The following MAGI2 variants were observed in gnomAD, a reference collection of about 807,000 sequenced individuals.
MAGI2 encodes membrane associated guanylate kinase, WW and PDZ domain containing 2, also known as membrane-associated guanylate kinase, WW and PDZ domain-containing protein 2.
In MAGI2, 35 loss-of-function variants were observed where a neutral mutation model predicts 133.3. That is an observed-to-expected ratio of 0.26 (90% confidence interval 0.20 to 0.35). The LOEUF is 0.35. MAGI2 is among the 10% of genes least tolerant of loss of function. MAGI2 has a pLI of 1.00. For missense variants in MAGI2, 1,636 were observed against 1,863.4 expected (o/e 0.88, Z 2.25); for synonymous variants, 729 against 710.6 (o/e 1.03, Z -0.41).
chr7:78,402,370 C>T (rs1294749905), intron 6 of MAGI2, among the ~76,000 whole-genome samples: 1 of 143,810 alleles, frequency 7.0e-6, no homozygotes, highest in Non-Finnish European at 1.5e-5. Flanking sequence ...TGTGTGTATC[C>T]ACCTGGGGTG....
At chr7:78,534,947 A>T (rs1159780933) in intron 3 of MAGI2, among the ~76,000 whole-genome samples, 1 of 152,174 alleles carries the variant, frequency 6.6e-6, no homozygotes, top group Non-Finnish European at 1.5e-5. Flanking sequence ...AGCCTGGCCA[A>T]GATGGTGAAA....
chr7:78,530,367 T>C (rs181370515), intron 3 of MAGI2, among the ~76,000 whole-genome samples: 10 of 152,348 alleles, frequency 6.6e-5, no homozygotes, highest in Admixed American at 4.6e-4. Flanking sequence ...TTTATCACTT[T>C]ATCTTGTCTT....
chr7:78,732,369 G>T (rs186651997), intron 2 of MAGI2, among the ~76,000 whole-genome samples: 1 of 152,230 alleles, frequency 6.6e-6, no homozygotes, highest in East Asian at 1.9e-4. Flanking sequence ...TATATTTATG[G>T]AAGCATTGGT....
chr7:78,590,253 G>T lies in MAGI2; in HGVS notation c.538+36867C>A, dbSNP rs183208573. Among the ~76,000 whole-genome samples the T allele has an allele frequency of 2.6e-4, 40 of 152,278 alleles. No individual in the cohort carries two copies. The East Asian group carries it at 6.8e-3, about 26-fold the overall frequency. Reference sequence around the variant, plus strand: ...AAGTCACTGAGGAGCTGAGTGCCCTGGAACGCTAATTCTGCCTTCTTCTCC... The same window carrying T: ...AAGTCACTGAGGAGCTGAGTGCCCTTGAACGCTAATTCTGCCTTCTTCTCC... On this transcript the variant is annotated intron_variant, in intron 3 of 21. Coordinates refer to ENST00000354212, the MANE Select transcript of MAGI2 (RefSeq NM_012301.4).
At chr7:78,692,166 A>G (rs1291785821) in intron 2 of MAGI2, among the ~76,000 whole-genome samples, 1 of 152,238 alleles carries the variant, frequency 6.6e-6, no homozygotes, top group African/African-American at 2.4e-5. Flanking sequence ...AGGTTTTTAC[A>G]TGGATGGATA....
intron 2 of MAGI2, among the ~76,000 whole-genome samples, chr7:78,731,450 C>T (rs1289825654): frequency 6.6e-6 from 1 of 152,072 alleles, no homozygotes; most frequent in Non-Finnish European, 1.5e-5. Flanking sequence ...CATTACCAGA[C>T]ATTTGAAGGA....
intron 2 of MAGI2, among the ~76,000 whole-genome samples, chr7:78,642,918 G>A (rs1324707290): frequency 1.3e-5 from 2 of 152,158 alleles, no homozygotes; most frequent in African/African-American, 4.8e-5. Flanking sequence ...AAAAATTTTT[G>A]TTGTGGGAGA....
intron 9 of MAGI2, among the ~76,000 whole-genome samples, chr7:78,308,440 GC>G (rs922763867): frequency 4.6e-5 from 7 of 152,120 alleles, no homozygotes; most frequent in African/African-American, 7.2e-5. Flanking sequence ...AAATTAAAAG[GC>G]TTCTTATTTA....
chr7:78,175,580 G>A (rs1234023008), intron 14 of MAGI2, among the ~76,000 whole-genome samples: 5 of 152,140 alleles, frequency 3.3e-5, no homozygotes, highest in Admixed American at 3.3e-4. Context: ...CAGATAAGTT[G>A]GCAACCAGTG....
intron 1 of MAGI2, among the ~76,000 whole-genome samples, chr7:79,162,713 G>A (rs527432723): frequency 9.9e-5 from 15 of 152,058 alleles, no homozygotes; most frequent in Non-Finnish European, 2.2e-4. Flanking sequence ...ATTATGAGTT[G>A]TGAAGAGAAA....
chr7:78,394,895 C>T (rs934608577), intron 6 of MAGI2, among the ~76,000 whole-genome samples: 10 of 152,170 alleles, frequency 6.6e-5, no homozygotes, highest in South Asian at 2.1e-4. Flanking sequence ...ATTTCCATGG[C>T]CGCACTTTAG....
intron 2 of MAGI2, among the ~76,000 whole-genome samples, chr7:78,672,806 T>G (rs1471681994): frequency 1.3e-5 from 2 of 152,160 alleles, no homozygotes; most frequent in Non-Finnish European, 2.9e-5. Context: ...CTTCAGGTGA[T>G]TCTGATGCAT....
intron 6 of MAGI2, among the ~76,000 whole-genome samples, chr7:78,389,180 C>T (rs1336020834): frequency 6.6e-6 from 1 of 152,078 alleles, no homozygotes; most frequent in African/African-American, 2.4e-5. Context: ...AATAGAGACA[C>T]AAATTAGTTC....
At chr7:78,214,094 C>A (rs541706172) in intron 10 of MAGI2, among the ~76,000 whole-genome samples, 2 of 152,312 alleles carry the variant, frequency 1.3e-5, no homozygotes, top group Non-Finnish European at 2.9e-5. Context: ...AGCATCAGGT[C>A]TGGTTCTCAC....
rs551565939 is a variant in MAGI2 at position 78,857,074 on chromosome 7, A to G, written c.418+150016T>C. 2.6e-5 allele frequency among the ~76,000 whole-genome samples: 4 copies of G among 152,296 alleles called. No individual in the cohort carries two copies. The South Asian group carries it at 8.3e-4, about 32-fold the overall frequency. The stretch of plus-strand genomic sequence containing the variant: ...TGTTTGTCTGTTATTGGTGTAAAGG[A>G]ATGCTTGTGATTTTTGCACATTGAT... On this transcript the variant is annotated intron_variant, in intron 2 of 21. Coordinates refer to ENST00000354212, the MANE Select transcript of MAGI2 (RefSeq NM_012301.4).
chr7:79,107,199 T>C (rs182745791), intron 1 of MAGI2, among the ~76,000 whole-genome samples: 32 of 152,228 alleles, frequency 2.1e-4, no homozygotes, highest in Admixed American at 1.8e-3. Flanking sequence ...AGCAGGATAG[T>C]TGAGGTAGAA....
intron 1 of MAGI2, among the ~76,000 whole-genome samples, chr7:79,188,539 G>C (rs150914618): frequency 6.6e-6 from 1 of 151,810 alleles, no homozygotes; most frequent in East Asian, 1.9e-4. Context: ...ATGGGCATTT[G>C]GTTGATTCCA....
At chr7:78,342,191 C>CCA (rs1562856117) in intron 9 of MAGI2, among the ~76,000 whole-genome samples, 1 of 151,746 alleles carries the variant, frequency 6.6e-6, no homozygotes, top group Non-Finnish European at 1.5e-5. Context: ...GTGCAGTCAA[C>CCA]AAACATAAAA....
chr7:78,819,900 G>T (rs1219613201), intron 2 of MAGI2, among the ~76,000 whole-genome samples: 1 of 151,956 alleles, frequency 6.6e-6, no homozygotes, highest in Non-Finnish European at 1.5e-5. Flanking sequence ...AATAGCTATT[G>T]ACATGAAGCC....
Sources: gnomAD v4.1 joint callset for allele counts (sites outside exome capture counted in the v4.1 genomes callset) on GRCh38, gnomAD v4.1.1 for gene constraint, MANE v1.5 for transcripts, NCBI Gene and HGNC (gene_info 2026-07-23, HGNC 2026-07-21) for gene names.